CARNMT1: variants seen among roughly 807,000 people sequenced by gnomAD.
CARNMT1 encodes the protein carnosine N-methyltransferase 1, also known as protein-L-histidine N-pros-methyltransferase CARNMT1.
A neutral mutation model predicts 49.6 loss-of-function variants in CARNMT1; 28 were observed. The ratio of observed to expected loss-of-function variants is 0.56; its 90% confidence interval spans 0.42 to 0.77. The LOEUF is 0.77. CARNMT1 is among the 30% of genes least tolerant of loss of function. CARNMT1 has a pLI of 0.00. For missense variants in CARNMT1, 421 were observed against 512.6 expected, an observed-to-expected ratio of 0.82 and a Z score of 1.73; for synonymous variants, 178 against 175.0, an observed-to-expected ratio of 1.02 and a Z score of -0.13.
chr9:75,015,399 T>C (rs1833815726), intron 3 of CARNMT1, among the ~76,000 whole-genome samples: 1 of 152,204 alleles, frequency 6.6e-6, no homozygotes, highest in South Asian at 2.1e-4. Context: ...TAAAAAAACA[T>C]GCATCACAAA....
rs1261933437 is a variant in CARNMT1, at chr9:74,983,289, C to T, written c.*478G>A. 1.3e-5 allele frequency: 2 copies of T among 151,040 alleles called. No homozygotes were observed. Among genetic ancestry groups the T allele is most frequent in the African/African-American group, 4.9e-5 (2 of 41,156 alleles). The allele number at this position is 151,040 out of a possible 1,614,324, so 9.4% of individuals were successfully genotyped here. ...AAAGACATATTTTACGCATAGTTTT[C>T]TTAGATTGAAAGTGAACAAAGTCCC... On this transcript the variant is annotated 3_prime_UTR_variant, in exon 8 of 8. Coordinates refer to ENST00000376834, the MANE Select transcript of CARNMT1 (RefSeq NM_152420.3).
At chr9:75,009,526 G>A (rs902875504) in intron 3 of CARNMT1, among the ~76,000 whole-genome samples, 5 of 152,080 alleles carry the variant, frequency 3.3e-5, no homozygotes, top group Non-Finnish European at 7.4e-5. Flanking sequence ...TAAAAGGTGA[G>A]AAGCATATGA....
Position 75,028,020 on chromosome 9 carries a change from G to A in CARNMT1, c.222C>T (p.Arg74=), listed in dbSNP as rs200700681. ...EHFWKIINAF[R]YYGTSMHERV... is the part of the protein sequence containing the mutation. ...CGCCACGGGCTCCTTACCCGTAGTA[G>A]CGGAAGGCATTAATGATCTTCCAGA... Residue 74 remains arginine (R), a synonymous_variant, in exon 1 of 8, where the codon CGC becomes CGT. Transcript: ENST00000376834. The A allele has an allele frequency of 1.1e-5, 18 of 1,570,182 alleles. No individual in the cohort carries two copies. The highest frequency in any genetic ancestry group is 1.5e-5 in the Non-Finnish European group (17 of 1,161,236).
intron 3 of CARNMT1, among the ~76,000 whole-genome samples, chr9:75,013,256 G>C (rs1351893019): frequency 6.6e-6 from 1 of 152,182 alleles, no homozygotes; most frequent in Non-Finnish European, 1.5e-5. Flanking sequence ...CCATGGACTG[G>C]TCAGGAACTG....
At chr9:75,019,939 C>T (rs1833947925) in intron 1 of CARNMT1, among the ~76,000 whole-genome samples, 1 of 152,104 alleles carries the variant, frequency 6.6e-6, no homozygotes, top group Admixed American at 6.6e-5. Context: ...TGGATAACCT[C>T]AAGAACATAT....
chr9:75,002,357 G>C (rs1455850865), intron 3 of CARNMT1, among the ~76,000 whole-genome samples: 3 of 152,192 alleles, frequency 2.0e-5, no homozygotes, highest in African/African-American at 4.8e-5. Context: ...CCTAGTGGTA[G>C]AAGTAAATAC....
In CARNMT1 at chr9:74,982,285, A is replaced by G. The variant is rs1832710609; in HGVS notation, c.*1482T>C. 1 of 152,212 alleles carries G rather than the reference A, an allele frequency of 6.6e-6. No individual in the cohort carries two copies. The highest frequency in any genetic ancestry group is 1.5e-5 in the Non-Finnish European group (1 of 68,028). 9.4% of individuals were successfully genotyped at this position (152,212 alleles called of 1,614,324 possible). A position where few individuals can be genotyped will look rare whatever the true frequency, so the allele number is the denominator to read the frequency against. ...CACATTACTGAGATTAAATCCATCT[A>G]ATTTAAATTGCCACAGAGGTCATTT... On this transcript the variant is annotated 3_prime_UTR_variant, in exon 8 of 8. Transcript: ENST00000376834.
chr9:74,984,799 T>C, intron 7 of CARNMT1, 108 bp downstream of exon 7: 2 of 703,446 alleles, frequency 2.8e-6, no homozygotes. Flanking sequence ...CTTCCCTTTA[T>C]AGATAAGAAA....
rs192662112 is a variant in CARNMT1, at chr9:74,996,043, T to C, written c.1024+404A>G. 3.5e-3 allele frequency: 541 copies of C among 156,110 alleles called. 1 individual carries two copies. Among genetic ancestry groups the C allele is most frequent in the Non-Finnish European group, 5.1e-3 (359 of 70,462 alleles). The allele number at this position is 156,110 out of a possible 1,614,324, so 9.7% of individuals were successfully genotyped here. ...ACCTACACCCTTCCCAGTATATGGA[T>C]GTACTAGGGAGGAAGATTCCATGGA... On this transcript the variant is annotated intron_variant, in intron 6 of 7. Coordinates refer to ENST00000376834, the MANE Select transcript of CARNMT1 (RefSeq NM_152420.3).
chr9:75,009,820 C>G (rs956576408), intron 3 of CARNMT1: 1 of 151,934 alleles, frequency 6.6e-6, no homozygotes, highest in African/African-American at 2.4e-5. Context: ...AAGAAACATG[C>G]AAAGAAGCAA....
At chr9:75,009,587 G>T (rs956369282) in intron 3 of CARNMT1, among the ~76,000 whole-genome samples, 3 of 152,216 alleles carry the variant, frequency 2.0e-5, no homozygotes, top group Admixed American at 1.3e-4. Context: ...TAGATGCAAG[G>T]CTTATGGACA....
At chr9:75,007,834 T>C (rs749686734) in intron 3 of CARNMT1, among the ~76,000 whole-genome samples, 2 of 150,674 alleles carry the variant, frequency 1.3e-5, no homozygotes, top group Non-Finnish European at 2.9e-5. Context: ...GACTGAAAGC[T>C]TTCTCCCTAA....
chr9:75,026,465 T>C (rs895842869), intron 1 of CARNMT1, among the ~76,000 whole-genome samples: 1 of 152,342 alleles, frequency 6.6e-6, no homozygotes, highest in South Asian at 2.1e-4. Context: ...CTTTTCTGTA[T>C]CTCCCACTCT....
At chr9:75,020,936 G>A (rs749210284) in intron 1 of CARNMT1, among the ~76,000 whole-genome samples, 6 of 152,066 alleles carry the variant, frequency 3.9e-5, no homozygotes, top group Admixed American at 6.6e-5. Flanking sequence ...GCAAATTACC[G>A]CCTTCCTTTG....
intron 6 of CARNMT1, among the ~76,000 whole-genome samples, chr9:74,993,834 A>G (rs1469726955): frequency 1.3e-5 from 2 of 152,132 alleles, no homozygotes; most frequent in Non-Finnish European, 2.9e-5. Flanking sequence ...ACAATCGAGA[A>G]ACCCTGGAAT....
At chr9:75,028,359 G>A, upstream of CARNMT1, 14 of 1,302,514 alleles carry the variant, frequency 1.1e-5, no homozygotes, top group Non-Finnish European at 1.1e-5. Flanking sequence ...AGCTCGCGGC[G>A]CGCTCCGCCC....
chr9:75,010,301 T>G (rs1200029237), intron 3 of CARNMT1: 5 of 151,930 alleles, frequency 3.3e-5, no homozygotes, highest in Non-Finnish European at 5.9e-5. Context: ...TTTTTTGTAT[T>G]TTTAGTAGAG....
chr9:75,021,793 C>G lies in CARNMT1; in HGVS notation c.231-4345G>C, dbSNP rs551628755. 3.9e-5 allele frequency among the ~76,000 whole-genome samples: 6 copies of G among 152,040 alleles called. No individual in the cohort carries two copies. In the East Asian group the frequency reaches 1.2e-3, roughly 29 times the overall value. ...CAAAAAAATAAAAAAACAAAATGAG[C>G]CAGGCGTGGTGGTGCATGCCTGTAG... On this transcript the variant is annotated intron_variant, in intron 1 of 7. Transcript: ENST00000376834.
At chr9:75,023,369 T>G (rs761521531) in intron 1 of CARNMT1, among the ~76,000 whole-genome samples, 2 of 152,218 alleles carry the variant, frequency 1.3e-5, no homozygotes, top group South Asian at 2.1e-4. Context: ...TGTTCAGTTA[T>G]ATTCCCACGG....
Sources: gnomAD v4.1 joint callset for allele counts (sites outside exome capture counted in the v4.1 genomes callset) on GRCh38, gnomAD v4.1.1 for gene constraint, MANE v1.5 for transcripts, NCBI Gene and HGNC (gene_info 2026-07-23, HGNC 2026-07-21) for gene names.